Variants in ZNF211 observed in about 807,000 individuals in gnomAD.
ZNF211 encodes the protein zinc finger protein 211.
In ZNF211, 18 loss-of-function variants were observed where a neutral mutation model predicts 12.1. That is an observed-to-expected ratio of 1.48 (90% CI 1.03 to 2.20). The LOEUF (loss-of-function observed/expected upper bound fraction) is 2.20, where lower values mean the gene tolerates loss of function less well. Ranked by LOEUF, ZNF211 falls within the 30% of genes most tolerant of loss-of-function variation. ZNF211 has a pLI of 0.00. For synonymous variants in ZNF211, 249 were observed against 246.0 expected, an observed-to-expected ratio of 1.01 and a Z score of -0.11; for missense variants, 677 against 703.1, an observed-to-expected ratio of 0.96 and a Z score of 0.42.
Position 57,634,005 on chromosome 19 carries a change from GC to G in ZNF211, c.91-16del. On this transcript the variant is annotated splice_polypyrimidine_tract_variant and intron_variant, in intron 1 of 3. Coordinates refer to ENST00000240731, the MANE Select transcript of ZNF211 (RefSeq NM_006385.5). ...ACTGCCATGATCACATTCCTCTGAG[GC>G]CTGCGTCTTTCCACAGGTTCCCATA... 2 of 1,593,116 alleles carry G rather than the reference GC, an allele frequency of 1.3e-6. No individual in the cohort carries two copies. Among genetic ancestry groups the G allele is most frequent in the Non-Finnish European group, 1.7e-6 (2 of 1,170,906 alleles).
intron 3 of ZNF211, among the ~76,000 whole-genome samples, chr19:57,635,353 T>C (rs1287234376): frequency 6.6e-6 from 1 of 152,222 alleles, no homozygotes; most frequent in Non-Finnish European, 1.5e-5. Context: ...CATCCTTCTA[T>C]AGTACTTTTT....
rs778851743 is a variant in ZNF211 at position 57,642,073 on chromosome 19, A to G, written c.1626A>G (p.Arg542=). The G allele has an allele frequency of 6.2e-7, 1 of 1,614,166 alleles. No individual in the cohort carries two copies. Among genetic ancestry groups the G allele is most frequent in the Non-Finnish European group, 8.5e-7 (1 of 1,179,962 alleles). ...GTTCTAGCCTCATTCAACACCGCAG[A>G]GTTCACACGGGAAAAAGGCCTTATC... ...SQSSSLIQHR[R]VHTGKRPYQC... is the part of the protein sequence containing the mutation. The change falls in exon 4 of 4, where the codon AGA becomes AGG. Residue 542 remains arginine (R), a synonymous_variant. Transcript: ENST00000240731.
Position 57,642,423 on chromosome 19 carries a change from T to A in ZNF211, c.*242T>A. 2.0e-6 allele frequency: 1 copy of A among 492,246 alleles called. No individual in the cohort carries two copies. Among genetic ancestry groups the A allele is most frequent in the Non-Finnish European group, 3.6e-6 (1 of 277,486 alleles). 30.5% of individuals were successfully genotyped at this position (492,246 alleles called of 1,614,324 possible). ...CTGACAGTTTCTGAGGCAGAAGCCG[T>A]ATCATGTCTACCACCTGTGAGGTCC... On this transcript the variant is annotated 3_prime_UTR_variant, in exon 4 of 4. Transcript: ENST00000240731.
Position 57,640,923 on chromosome 19 carries a change from T to C in ZNF211, c.476T>C (p.Ile159Thr), listed in dbSNP as rs774341275. ...CACACATGTGGAAAACAATTCTACA[T>C]CAGTGCAAATCTTCAACAGCACCAG... ...KLHTCGKQFY[I>T]SANLQQHQRQ... The change falls in exon 4 of 4, where the codon ATC (isoleucine) becomes ACC (threonine). Residue 159 changes from isoleucine to threonine, a missense_variant. Ile to Thr is a moderately conservative substitution (Grantham distance 89, BLOSUM62 -1). Coordinates refer to ENST00000240731, the MANE Select transcript of ZNF211 (RefSeq NM_006385.5). The C allele has an allele frequency of 6.2e-7, 1 of 1,614,200 alleles. No homozygotes were observed. Among genetic ancestry groups the C allele is most frequent in the Middle Eastern group, 1.6e-4 (1 of 6,062 alleles).
chr19:57,636,127 CTGTG>C (rs1468248616), intron 3 of ZNF211, among the ~76,000 whole-genome samples: 7 of 151,942 alleles, frequency 4.6e-5, no homozygotes, highest in South Asian at 2.1e-4. Context: ...TAAGGGTTAT[CTGTG>C]TGTTCTAGAT....
intron 3 of ZNF211, among the ~76,000 whole-genome samples, chr19:57,639,754 T>A (rs1463525537): frequency 2.6e-5 from 4 of 152,124 alleles, no homozygotes; most frequent in African/African-American, 4.8e-5. Context: ...GCTCTTTTTT[T>A]AAAATAGTTA....
chr19:57,633,492 G>A (rs28721436), intron 1 of ZNF211, 56 bp downstream of exon 1: 5 of 1,535,052 alleles, frequency 3.3e-6, no homozygotes, highest in Non-Finnish European at 4.4e-6. Flanking sequence ...TCCCAAGTGA[G>A]AGGCACCAGC....
At chr19:57,634,785 T>G in intron 3 of ZNF211, 30 bp downstream of exon 3, 2 of 1,506,422 alleles carry the variant, frequency 1.3e-6, no homozygotes, top group Non-Finnish European at 1.8e-6. Context: ...CCTTGTGCCC[T>G]GGACTAGGCT....
chr19:57,635,569 G>T (rs1982025353), intron 3 of ZNF211, among the ~76,000 whole-genome samples: 1 of 152,132 alleles, frequency 6.6e-6, no homozygotes, highest in African/African-American at 2.4e-5. Context: ...ATATATATCA[G>T]AATTGCTTCT....
In ZNF211 at chr19:57,633,771, A is replaced by G. The variant is rs773585719; in HGVS notation, c.91-252A>G. 1.3e-5 allele frequency: 20 copies of G among 1,537,412 alleles called. No individual in the cohort carries two copies. In the Middle Eastern group the frequency reaches 6.7e-4, roughly 51 times the overall value. ...AGAGACACCATCTGAGTTAAATTTG[A>G]AAAATCCTCTGCAGGCTGTTCAGTG... On this transcript the variant is annotated intron_variant, in intron 1 of 3. Coordinates refer to ENST00000240731, the MANE Select transcript of ZNF211 (RefSeq NM_006385.5).
Position 57,633,171 on chromosome 19 carries a change from G to C in ZNF211, c.-176G>C. ...TGGGTCTACCCCCGCCCCCCCCAGGGCGGGACTTGTGGCGTCTTCGCAGCG... is the reference window on the plus strand; with the variant it reads ...TGGGTCTACCCCCGCCCCCCCCAGGCCGGGACTTGTGGCGTCTTCGCAGCG... On this transcript the variant is annotated 5_prime_UTR_variant, in exon 1 of 4. Coordinates refer to ENST00000240731, the MANE Select transcript of ZNF211 (RefSeq NM_006385.5). The C allele has an allele frequency of 1.7e-6, 1 of 574,316 alleles. No individual in the cohort carries two copies. The allele number at this position is 574,316 out of a possible 1,614,324, so 35.6% of individuals were successfully genotyped here. A position where few individuals can be genotyped will look rare whatever the true frequency, so the allele number is the denominator to read the frequency against.
At chr19:57,638,614 A>G (rs1568640528) in intron 3 of ZNF211, among the ~76,000 whole-genome samples, 1 of 152,206 alleles carries the variant, frequency 6.6e-6, no homozygotes, top group Non-Finnish European at 1.5e-5. Context: ...ATGTGTGTCT[A>G]AATCAAATGA....
rs1981656149 is a variant in ZNF211 at position 57,633,306 on chromosome 19, T to G, written c.-41T>G. ...AAGGCGCGAGAGTCAGGTCTGAGGG[T>G]CGGGGGCAGAGCCGCCCGCGAGGCC... On this transcript the variant is annotated 5_prime_UTR_variant, in exon 1 of 4. Coordinates refer to ENST00000240731, the MANE Select transcript of ZNF211 (RefSeq NM_006385.5). 16 of 1,507,826 alleles carry G rather than the reference T, an allele frequency of 1.1e-5. No homozygotes were observed. Among genetic ancestry groups the G allele is most frequent in the South Asian group, 5.1e-5 (4 of 78,758 alleles). 93.4% of individuals were successfully genotyped at this position (1,507,826 alleles called of 1,614,324 possible).
intron 3 of ZNF211, chr19:57,639,874 C>T (rs1452005276): frequency 3.3e-6 from 5 of 1,503,954 alleles, no homozygotes; most frequent in Non-Finnish European, 3.5e-6. Flanking sequence ...TTGTTCTGGG[C>T]CAGTGTTAGT....
intron 3 of ZNF211, chr19:57,640,000 C>G (rs1443498813): frequency 6.5e-7 from 1 of 1,535,890 alleles, no homozygotes; most frequent in African/African-American, 1.4e-5. Flanking sequence ...TGACTCCAGC[C>G]TCAGCAAGAT....
rs779137984 is a variant in ZNF211, at chr19:57,633,354, G to A, written c.8G>A (p.Gly3Glu). 6.9e-6 allele frequency: 11 copies of A among 1,592,724 alleles called. No homozygotes were observed. In the South Asian group the frequency reaches 1.1e-4, roughly 16 times the overall value. The change falls in exon 1 of 4, where the codon GGG becomes GAG. Residue 3 changes from glycine to glutamate, a missense_variant. Transcript: ENST00000240731. ML[G>E]FPPGRPQLPV... Reference sequence around the variant, plus strand: ...GCCGGCCTGGGGATAGCGATGCTCGGGTTCCCCCCGGGTCGCCCGCAGCTC... The same window carrying A: ...GCCGGCCTGGGGATAGCGATGCTCGAGTTCCCCCCGGGTCGCCCGCAGCTC...
chr19:57,638,766 CTGAT>C (rs568392583), intron 3 of ZNF211, among the ~76,000 whole-genome samples: 43 of 152,178 alleles, frequency 2.8e-4, no homozygotes, highest in Non-Finnish European at 5.9e-4. Flanking sequence ...TCTCTTCTCT[CTGAT>C]TGTTCTATCC....
Position 57,642,151 on chromosome 19 carries a change from C to T in ZNF211, c.1704C>T (p.His568=), listed in dbSNP as rs147018888. 54 of 1,610,660 alleles carry T rather than the reference C, an allele frequency of 3.4e-5. No individual in the cohort carries two copies. The highest frequency in any genetic ancestry group is 4.3e-5 in the Non-Finnish European group (51 of 1,177,764). ...GCTGCAAATCTGTCCTCATTCAACA[C>T]CAGAGAGTTCACATTGGAGAAAAGC... ...SFGCKSVLIQ[H]QRVHIGEKP is the part of the protein sequence containing the mutation. Residue 568 remains histidine, a synonymous_variant, in exon 4 of 4, where the codon CAC becomes CAT. Transcript: ENST00000240731.
chr19:57,639,489 G>A (rs1334277656), intron 3 of ZNF211, among the ~76,000 whole-genome samples: 4 of 134,658 alleles, frequency 3.0e-5, no homozygotes, highest in African/African-American at 1.1e-4. Flanking sequence ...GGGCGATCTC[G>A]GCTCACTGCA....
Sources: gnomAD v4.1 joint callset for allele counts (sites outside exome capture counted in the v4.1 genomes callset) on GRCh38, gnomAD v4.1.1 for gene constraint, MANE v1.5 for transcripts, NCBI Gene and HGNC (gene_info 2026-07-23, HGNC 2026-07-21) for gene names.